Variants in CNTN4 observed in about 807,000 individuals in gnomAD.
CNTN4 encodes the protein contactin-4.
In CNTN4, 77 loss-of-function variants were observed where a neutral mutation model predicts 122.5. The observed-to-expected ratio is 0.63, with a 90% CI of 0.52 to 0.76. The LOEUF is 0.76. Among genes scored for constraint, CNTN4 ranks in the 30% least tolerant of loss-of-function variants. CNTN4 has a pLI of 0.00. For missense variants in CNTN4, 1,256 were observed against 1,259.1 expected, an observed-to-expected ratio of 1.00 and a Z score of 0.04; for synonymous variants, 512 against 447.0, an observed-to-expected ratio of 1.15 and a Z score of -1.83.
intron 8 of CNTN4, among the ~76,000 whole-genome samples, chr3:2,881,627 A>C (rs1443719371): frequency 7.6e-6 from 1 of 131,192 alleles, no homozygotes; most frequent in African/African-American, 2.9e-5. Context: ...TCTCTTTGTG[A>C]TTGCACCTGT....
chr3:2,615,845 C>G (rs1405314885), intron 4 of CNTN4, among the ~76,000 whole-genome samples: 1 of 152,092 alleles, frequency 6.6e-6, no homozygotes, highest in Admixed American at 6.6e-5. Context: ...TTCCTTCTAG[C>G]CTTCAAGTGT....
intron 3 of CNTN4, among the ~76,000 whole-genome samples, chr3:2,473,934 C>T (rs1374600098): frequency 6.6e-6 from 1 of 151,860 alleles, no homozygotes; most frequent in East Asian, 1.9e-4. Context: ...ATCACTTGAA[C>T]TCGGGGGAGG....
At chr3:2,958,325 T>C (rs1264307240) in intron 13 of CNTN4, among the ~76,000 whole-genome samples, 1 of 152,178 alleles carries the variant, frequency 6.6e-6, no homozygotes, top group Admixed American at 6.5e-5. Context: ...TCATTAGTTC[T>C]TATATATTTT....
chr3:2,720,386 A>G (rs749374889), intron 4 of CNTN4, among the ~76,000 whole-genome samples: 1 of 152,126 alleles, frequency 6.6e-6, no homozygotes, highest in Non-Finnish European at 1.5e-5. Flanking sequence ...AACTATTCTG[A>G]GCCTGAACAT....
At chr3:2,462,731 A>G (rs1396083564) in intron 3 of CNTN4, among the ~76,000 whole-genome samples, 1 of 152,220 alleles carries the variant, frequency 6.6e-6, no homozygotes, top group Admixed American at 6.5e-5. Context: ...AATTTCATCC[A>G]AAAATCTTCA....
chr3:2,151,409 G>C (rs1207753143), intron 2 of CNTN4, among the ~76,000 whole-genome samples: 2 of 152,210 alleles, frequency 1.3e-5, no homozygotes, highest in Non-Finnish European at 2.9e-5. Context: ...AGAAGGAACA[G>C]CATGGGCCAG....
At chr3:2,714,761 A>T (rs1246896901) in intron 4 of CNTN4, among the ~76,000 whole-genome samples, 1 of 152,152 alleles carries the variant, frequency 6.6e-6, no homozygotes, top group Non-Finnish European at 1.5e-5. Context: ...TTTTGGAGAC[A>T]GGGTCTCGCT....
At chr3:2,216,477 C>T (rs753261180) in intron 2 of CNTN4, among the ~76,000 whole-genome samples, 1 of 152,128 alleles carries the variant, frequency 6.6e-6, no homozygotes, top group Non-Finnish European at 1.5e-5. Flanking sequence ...CTACAACAAA[C>T]TCCCGTGACA....
chr3:2,506,273 A>G (rs1575794251), intron 3 of CNTN4, among the ~76,000 whole-genome samples: 1 of 152,270 alleles, frequency 6.6e-6, no homozygotes, highest in Non-Finnish European at 1.5e-5. Context: ...TCTGCTATCT[A>G]CCTAGCGCCT....
intron 7 of CNTN4, among the ~76,000 whole-genome samples, chr3:2,828,449 T>C (rs180901649): frequency 6.6e-6 from 1 of 152,288 alleles, no homozygotes; most frequent in East Asian, 1.9e-4. Flanking sequence ...GTCTTGGAAC[T>C]TACAAAATGA....
At chr3:2,495,831 G>C (rs768554969) in intron 3 of CNTN4, among the ~76,000 whole-genome samples, 1 of 152,152 alleles carries the variant, frequency 6.6e-6, no homozygotes, top group Non-Finnish European at 1.5e-5. Context: ...GGGACCACTG[G>C]TTGAAAACAT....
chr3:2,917,373 A>G (rs2094380210), intron 12 of CNTN4, among the ~76,000 whole-genome samples: 1 of 152,210 alleles, frequency 6.6e-6, no homozygotes, highest in African/African-American at 2.4e-5. Flanking sequence ...GGAGAGGTGT[A>G]CTTTTTACCA....
intron 2 of CNTN4, among the ~76,000 whole-genome samples, chr3:2,287,737 AAGAAGAAGAAGAAGAAGAAGAAGAAG>A (rs1442934846): frequency 1.7e-5 from 2 of 119,570 alleles, no homozygotes; most frequent in African/African-American, 6.1e-5. Flanking sequence ...GAAGAAGAAG[AAGAAGAAGAAGAAGAAGAAGAAGAAG>A]AAGAAGAAGA....
chr3:2,735,953 C>T (rs573501759), intron 4 of CNTN4: 31 of 582,304 alleles, frequency 5.3e-5, no homozygotes, highest in East Asian at 5.3e-4. Flanking sequence ...GAAAGGGAGA[C>T]GTCAAGCAGC....
chr3:2,981,385 A>G lies in CNTN4; in HGVS notation c.1359-6960A>G, dbSNP rs1395264559. Among the ~76,000 whole-genome samples, 34 of 151,866 alleles carry G rather than the reference A, an allele frequency of 2.2e-4. 1 individual carries two copies. Among genetic ancestry groups the G allele is most frequent in the Admixed American group, 1.0e-3 (16 of 15,268 alleles). ...CGTGAACCCAGGAGTTGGAGCTTGCAGTGAGCCGAGATCGCAGCACTGCAC... is the reference window on the plus strand; with the variant it reads ...CGTGAACCCAGGAGTTGGAGCTTGCGGTGAGCCGAGATCGCAGCACTGCAC... On this transcript the variant is annotated intron_variant, in intron 13 of 24. Transcript: ENST00000418658.
At chr3:2,961,708 A>G (rs189544725) in intron 13 of CNTN4, among the ~76,000 whole-genome samples, 14 of 152,318 alleles carry the variant, frequency 9.2e-5, no homozygotes, top group Admixed American at 4.6e-4. Flanking sequence ...TAGGGAAACA[A>G]AGGCTATTAT....
At chr3:3,043,809 C>A in intron 23 of CNTN4, 105 bp downstream of exon 23, 1 of 768,608 alleles carries the variant, frequency 1.3e-6, no homozygotes, top group Non-Finnish European at 2.3e-6. Flanking sequence ...CCTGGTGATG[C>A]TCTCCTACCC....
At chr3:2,831,861 G>T (rs1026830196) in intron 7 of CNTN4, among the ~76,000 whole-genome samples, 2 of 152,192 alleles carry the variant, frequency 1.3e-5, no homozygotes, top group Non-Finnish European at 2.9e-5. Flanking sequence ...ATGCCAAGAT[G>T]CTTCAGTTTT....
intron 2 of CNTN4, among the ~76,000 whole-genome samples, chr3:2,256,333 T>A (rs1247451595): frequency 1.3e-5 from 2 of 152,122 alleles, no homozygotes; most frequent in South Asian, 2.1e-4. Flanking sequence ...CAGGACCAGA[T>A]GGATTTACAG....
Sources: gnomAD v4.1 joint callset for allele counts (sites outside exome capture counted in the v4.1 genomes callset) on GRCh38, gnomAD v4.1.1 for gene constraint, MANE v1.5 for transcripts, NCBI Gene and HGNC (gene_info 2026-07-23, HGNC 2026-07-21) for gene names.